Variants in ACSBG2 observed in about 807,000 individuals in gnomAD.
The protein encoded by ACSBG2 is acyl-CoA synthetase bubblegum family member 2.
Under a neutral mutation model 74.7 loss-of-function variants are expected in ACSBG2, and 62 were observed. The ratio of observed to expected loss-of-function variants is 0.83; its 90% CI spans 0.68 to 1.03. The LOEUF (loss-of-function observed/expected upper bound fraction) is 1.03, where lower values mean the gene tolerates loss of function less well. Ranked by LOEUF, ACSBG2 falls within the 50% of genes least tolerant of loss-of-function variation. ACSBG2 has a pLI of 0.00. For missense variants in ACSBG2, 730 were observed against 817.6 expected (o/e 0.89, Z 1.31); for synonymous variants, 309 against 294.1 (o/e 1.05, Z -0.52).
In ACSBG2 at chr19:6,185,732, G is replaced by A. The variant is rs78878777; in HGVS notation, c.1540+79G>A. The A allele has an allele frequency of 9.1e-3, 13,351 of 1,461,990 alleles. 149 individuals carry two copies. Among genetic ancestry groups the A allele is most frequent in the African/African-American group, 0.047 (3,358 of 71,756 alleles). 90.6% of individuals were successfully genotyped at this position (1,461,990 alleles called of 1,614,324 possible). On this transcript the variant is annotated intron_variant, in intron 11 of 14. Transcript: ENST00000588485. ...ATTTAAGGGCCCAGGGTACCAGCAC[G>A]AAGGCCACCCCCAGTTCCTCACCTT...
intron 1 of ACSBG2, among the ~76,000 whole-genome samples, chr19:6,138,498 AG>A (rs2088669756): frequency 1.7e-5 from 1 of 60,092 alleles, no homozygotes; most frequent in African/African-American, 6.4e-5. Flanking sequence ...GGGAAGGGGG[AG>A]GGAGGGAGGG....
rs752583162 is a variant in ACSBG2, at chr19:6,161,310, T to C, written c.588+15T>C. The stretch of plus-strand genomic sequence containing the variant: ...ACTTGTACTCTGTAAGTGTGGGAGG[T>C]GGGCACTGGGGAAAGGGGAGGGCGG... On this transcript the variant is annotated intron_variant, in intron 6 of 14. Coordinates refer to ENST00000588485, the MANE Select transcript of ACSBG2 (RefSeq NM_030924.5). 4.4e-6 allele frequency: 7 copies of C among 1,606,146 alleles called. No homozygotes were observed. Among genetic ancestry groups the C allele is most frequent in the Non-Finnish European group, 6.0e-6 (7 of 1,174,546 alleles).
intron 5 of ACSBG2, among the ~76,000 whole-genome samples, chr19:6,159,959 C>T (rs1222306842): frequency 6.6e-6 from 1 of 152,164 alleles, no homozygotes; most frequent in African/African-American, 2.4e-5. Context: ...GGGCTTCTGC[C>T]ATCTTTTCTC....
chr19:6,183,082 G>C lies in ACSBG2; in HGVS notation c.1132G>C (p.Val378Leu). 6.2e-7 allele frequency: 1 copy of C among 1,614,142 alleles called. No individual in the cohort carries two copies. Among genetic ancestry groups the C allele is most frequent in the South Asian group, 1.1e-5 (1 of 91,078 alleles). Residue 378 changes from valine (V) to leucine (L), a missense_variant, in exon 10 of 15, where the codon GTG (valine) becomes CTG (leucine). Physicochemically the swap from Val to Leu is conservative, Grantham distance 32. Coordinates refer to ENST00000588485, the MANE Select transcript of ACSBG2 (RefSeq NM_030924.5). Reference protein sequence around the residue: ...PVSYRMAKTLVFSKVKTSLGL... With the variant: ...PVSYRMAKTLLFSKVKTSLGL... The stretch of plus-strand genomic sequence containing the variant: ...GAGCTACCGCATGGCTAAGACTCTC[G>C]TGTTCAGCAAAGTCAAGACATCCCT...
intron 2 of ACSBG2, among the ~76,000 whole-genome samples, chr19:6,142,116 G>A (rs553987894): frequency 3.9e-5 from 6 of 152,154 alleles, no homozygotes; most frequent in Non-Finnish European, 7.3e-5. Flanking sequence ...TACTGGTGAT[G>A]TGACACTGGG....
chr19:6,158,087 G>A (rs1165709022), intron 5 of ACSBG2, among the ~76,000 whole-genome samples: 3 of 142,960 alleles, frequency 2.1e-5, no homozygotes, highest in Non-Finnish European at 3.0e-5. Context: ...ACAGAGTCTC[G>A]CTCTGTCGCC....
At chr19:6,178,999 T>G (rs2090167224) in intron 8 of ACSBG2, among the ~76,000 whole-genome samples, 1 of 152,234 alleles carries the variant, frequency 6.6e-6, no homozygotes, top group African/African-American at 2.4e-5. Flanking sequence ...TCATTGGCTG[T>G]GGGCTCAGGC....
At chr19:6,190,787 GAA>G (rs1348002225) in intron 14 of ACSBG2, 95 bp downstream of exon 14, 10 of 593,166 alleles carry the variant, frequency 1.7e-5, no homozygotes, top group Non-Finnish European at 2.1e-5. Flanking sequence ...TGGAACTGCA[GAA>G]AACACACACA....
chr19:6,155,726 G>T (rs1304075262), intron 4 of ACSBG2, among the ~76,000 whole-genome samples: 1 of 147,186 alleles, frequency 6.8e-6, no homozygotes, highest in Non-Finnish European at 1.5e-5. Context: ...GGAGGTTGAG[G>T]TTGCAGTGAG....
At chr19:6,183,598 G>A (rs1266223625) in intron 10 of ACSBG2, among the ~76,000 whole-genome samples, 1 of 152,094 alleles carries the variant, frequency 6.6e-6, no homozygotes, top group Non-Finnish European at 1.5e-5. Flanking sequence ...CTCCATGGCC[G>A]ATTCCTGGCT....
Position 6,180,823 on chromosome 19 carries a change from T to C in ACSBG2, c.907-1928T>C, listed in dbSNP as rs1447259507. 6.6e-6 allele frequency among the ~76,000 whole-genome samples: 1 copy of C among 152,148 alleles called. No individual in the cohort carries two copies. The highest frequency in any genetic ancestry group is 1.5e-5 in the Non-Finnish European group (1 of 68,034). On this transcript the variant is annotated intron_variant, in intron 8 of 14. Transcript: ENST00000588485. The surrounding 1 kb of genome is among the most constrained non-coding windows in gnomAD (Gnocchi z 4.3). ...GTGTTTATTGACCATTTACATATCT[T>C]CTTTGGAAAAAGAAATCTGTTCAAA... is the stretch of plus-strand genomic sequence containing the variant.
At position 6,169,272 on chromosome 19, in the gene ACSBG2, T is replaced by C. The variant is rs79162648; in HGVS notation, c.738+3257T>C. 7.1e-3 allele frequency among the ~76,000 whole-genome samples: 1,075 copies of C among 152,354 alleles called. 16 individuals carry two copies. The East Asian group carries it at 0.072, about 10-fold the overall frequency. ...CTAGCCCAATGTCCAGAAGAATTTT[T>C]CCTAGGTTTTCTTCTAGTTTCTTCA... On this transcript the variant is annotated intron_variant, in intron 7 of 14. Transcript: ENST00000588485.
chr19:6,189,052 G>C (rs1195614300), intron 13 of ACSBG2, among the ~76,000 whole-genome samples: 1 of 152,186 alleles, frequency 6.6e-6, no homozygotes, highest in Non-Finnish European at 1.5e-5. Flanking sequence ...CTAGCTATGA[G>C]GAAGGGGTTA....
At chr19:6,160,395 AAAAAAAAAAG>A (rs1428293167) in intron 5 of ACSBG2, among the ~76,000 whole-genome samples, 1 of 150,134 alleles carries the variant, frequency 6.7e-6, no homozygotes, top group Non-Finnish European at 1.5e-5. Flanking sequence ...GTCTCAAAAA[AAAAAAAAAAG>A]AAAGAAAGAA....
At chr19:6,173,608 T>G (rs1007372685) in intron 7 of ACSBG2, among the ~76,000 whole-genome samples, 1 of 152,198 alleles carries the variant, frequency 6.6e-6, no homozygotes, top group African/African-American at 2.4e-5. Context: ...TTTCCTTTCC[T>G]ACGCCGCAGC....
chr19:6,138,207 G>A (rs537692270), intron 1 of ACSBG2, among the ~76,000 whole-genome samples: 1 of 152,162 alleles, frequency 6.6e-6, no homozygotes, highest in African/African-American at 2.4e-5. Context: ...ATACTTTAAG[G>A]AAGTAAACAT....
chr19:6,183,197 T>C lies in ACSBG2; in HGVS notation c.1247T>C (p.Ile416Thr), dbSNP rs2090310977. The part of the protein sequence containing the change: ...AEFFLSLDIP[I>T]GELYGLSESS... ...TTCTTTCTAAGCTTGGACATACCTA[T>C]AGGCGAGTTGTATGGGTTGAGTGAG... The change falls in exon 10 of 15, where the codon ATA becomes ACA. Residue 416 changes from isoleucine (I) to threonine (T), a missense_variant. Coordinates refer to ENST00000588485, the MANE Select transcript of ACSBG2 (RefSeq NM_030924.5). 1.2e-6 allele frequency: 2 copies of C among 1,614,052 alleles called. No individual in the cohort carries two copies. The highest frequency in any genetic ancestry group is 1.7e-5 in the Admixed American group (1 of 60,000).
Position 6,185,583 on chromosome 19 carries a change from C to G in ACSBG2, c.1470C>G (p.Gly490=). The change falls in exon 11 of 15, where the codon GGC becomes GGG. Residue 490 remains glycine, a synonymous_variant. Transcript: ENST00000588485. ...CTACAGAGGCCATCGATGATGAAGG[C>G]TGGCTACACTCTGGGGATCTGGGCC... ...TETTEAIDDE[G]WLHSGDLGQL... The G allele has an allele frequency of 6.2e-7, 1 of 1,614,176 alleles. No individual in the cohort carries two copies. Among genetic ancestry groups the G allele is most frequent in the South Asian group, 1.1e-5 (1 of 91,082 alleles).
At chr19:6,190,843 A>T (rs1387172759) in intron 14 of ACSBG2, 151 bp downstream of exon 14, 3 of 559,010 alleles carry the variant, frequency 5.4e-6, no homozygotes, top group Non-Finnish European at 9.6e-6. Flanking sequence ...ACACACACAC[A>T]CACACACACT....
Sources: allele counts gnomAD v4.1 joint callset (sites outside exome capture counted in the v4.1 genomes callset), GRCh38; gene constraint gnomAD v4.1.1; non-coding constraint Gnocchi (gnomAD v3.1); transcripts MANE v1.5; gene names NCBI Gene and HGNC (gene_info 2026-07-23, HGNC 2026-07-21).